The following RYR1 variants were observed in gnomAD, a reference collection of about 807,000 sequenced individuals.
The protein encoded by RYR1 is ryanodine receptor 1.
Under a neutral mutation model 583.5 loss-of-function variants are expected in RYR1, and 342 were observed. The observed-to-expected ratio is 0.59, with a 90% CI of 0.54 to 0.64. The LOEUF is 0.64. Ranked by LOEUF, RYR1 falls within the 30% of genes least tolerant of loss-of-function variation. The probability of loss-of-function intolerance (pLI) is 0.00; values close to 1 mark genes in which losing one functional copy is unlikely to be tolerated. For missense variants in RYR1, 6,032 were observed against 6,917.2 expected (o/e 0.87, Z 4.54); for synonymous variants, 2,791 against 2,822.5 (o/e 0.99, Z 0.35).
chr19:38,470,174 A>G (rs1968345934), intron 27 of RYR1, among the ~76,000 whole-genome samples: 1 of 152,088 alleles, frequency 6.6e-6, no homozygotes, highest in Non-Finnish European at 1.5e-5. Flanking sequence ...CTCAAAAAAA[A>G]AAAAAAGTTA....
chr19:38,437,895 A>G (rs558832540), intron 1 of RYR1, among the ~76,000 whole-genome samples: 3 of 151,332 alleles, frequency 2.0e-5, no homozygotes, highest in Non-Finnish European at 4.4e-5. Flanking sequence ...GGCTGAATGG[A>G]GAGGATCACT....
intron 89 of RYR1, among the ~76,000 whole-genome samples, chr19:38,551,207 T>A (rs1251448985): frequency 6.6e-6 from 1 of 151,604 alleles, no homozygotes; most frequent in African/African-American, 2.4e-5. Flanking sequence ...CCACCATGCC[T>A]GGCTAATTTT....
chr19:38,498,475 T>C (rs1414258030), intron 42 of RYR1, among the ~76,000 whole-genome samples: 1 of 152,120 alleles, frequency 6.6e-6, no homozygotes, highest in Non-Finnish European at 1.5e-5. Flanking sequence ...TTGGATCTCA[T>C]GTAAGAAAGA....
chr19:38,445,603 C>T (rs1972903298), intron 7 of RYR1, among the ~76,000 whole-genome samples: 1 of 152,110 alleles, frequency 6.6e-6, no homozygotes, highest in Admixed American at 6.6e-5. Context: ...AAGCTCAGAT[C>T]GTTCCTACGT....
chr19:38,467,688 G>A lies in RYR1; in HGVS notation c.3257G>A (p.Arg1086His), dbSNP rs764009626. The change falls in exon 25 of 106, where the codon CGC (arginine) becomes CAC (histidine). Residue 1086 changes from arginine to histidine, a missense_variant. Coordinates refer to ENST00000359596, the MANE Select transcript of RYR1 (RefSeq NM_000540.3). ...AAATCCTATACAGTGCAGAGCGGCC[G>A]CTGGTACTTCGAGTTTGAAGCAGTC... Reference protein sequence around the residue: ...AEKSYTVQSGRWYFEFEAVTT... With the variant: ...AEKSYTVQSGHWYFEFEAVTT... 47 of 1,614,250 alleles carry A rather than the reference G, an allele frequency of 2.9e-5. No homozygotes were observed. The highest frequency in any genetic ancestry group is 6.7e-5 in the Admixed American group (4 of 60,034).
chr19:38,455,602 G>A (rs760365792), intron 15 of RYR1, 31 bp from the exon 16 acceptor site: 5 of 1,605,708 alleles, frequency 3.1e-6, no homozygotes, highest in Admixed American at 1.7e-5. Flanking sequence ...GGGCATGGCC[G>A]CTTCACCTCT....
intron 93 of RYR1, 102 bp from the exon 94 acceptor site, chr19:38,570,505 T>C (rs544936663): frequency 5.1e-6 from 4 of 784,408 alleles, no homozygotes; most frequent in Admixed American, 1.8e-5. Flanking sequence ...AGGAAAGATA[T>C]TGAGAGCCCA....
Position 38,572,145 on chromosome 19 carries a change from G to T in RYR1, c.13873G>T (p.Asp4625Tyr). Residue 4625 changes from aspartate to tyrosine, a missense_variant, in exon 95 of 106, where the codon GAT becomes TAT. Transcript: ENST00000359596. ...GAGEEAEGDE[D>Y]ENMVYYFLEE... ...CGGAGAGGAGGCAGAGGGCGATGAG[G>T]ATGAGAACATGGTGTACTACTTCCT... The T allele has an allele frequency of 6.2e-7, 1 of 1,613,990 alleles. No homozygotes were observed. Among genetic ancestry groups the T allele is most frequent in the African/African-American group, 1.3e-5 (1 of 74,974 alleles).
rs192009715 is a variant in RYR1, at chr19:38,506,203, G to A, written c.8542-100G>A. 1.0e-3 allele frequency: 1,282 copies of A among 1,278,608 alleles called. 17 individuals carry two copies. The African/African-American group carries it at 0.013, about 13-fold the overall frequency. The allele number at this position is 1,278,608 out of a possible 1,614,324, so 79.2% of individuals were successfully genotyped here. ...ACAAGGGGTCTTGAGCCAGGGGAGG[G>A]TGGAGGGGGTAGAATGGACTAGTGG... On this transcript the variant is annotated intron_variant, in intron 54 of 105. Coordinates refer to ENST00000359596, the MANE Select transcript of RYR1 (RefSeq NM_000540.3).
chr19:38,505,924 G>T lies in RYR1; in HGVS notation c.8519G>T (p.Arg2840Leu). 1 of 1,613,632 alleles carries T rather than the reference G, an allele frequency of 6.2e-7. No individual in the cohort carries two copies. The highest frequency in any genetic ancestry group is 8.5e-7 in the Non-Finnish European group (1 of 1,179,992). ...EEEKTEKKKT[R>L]KISQSAQTYD... ...GAGAAGACGGAAAAGAAAAAAACGC[G>T]GAAGATATCACAAAGTGCCCAGGTG... The change falls in exon 54 of 106, where the codon CGG becomes CTG. Residue 2840 changes from arginine to leucine, a missense_variant. Arg to Leu is a moderately radical substitution (Grantham distance 102). Around this residue, in one of 11 missense-constraint regions of RYR1, gnomAD observed 1,493 missense variants for 1,715.5 expected, o/e 0.87. Coordinates refer to ENST00000359596, the MANE Select transcript of RYR1 (RefSeq NM_000540.3).
chr19:38,549,171 G>T (rs1390740908), intron 89 of RYR1, among the ~76,000 whole-genome samples: 4 of 152,126 alleles, frequency 2.6e-5, no homozygotes, highest in Non-Finnish European at 5.9e-5. Flanking sequence ...GGAGGGAAGT[G>T]CTGGAACATC....
chr19:38,502,875 C>A lies in RYR1; in HGVS notation c.7836-5C>A, dbSNP rs1301933255. On this transcript the variant is annotated splice_region_variant and splice_polypyrimidine_tract_variant and intron_variant, in intron 48 of 105. Coordinates refer to ENST00000359596, the MANE Select transcript of RYR1 (RefSeq NM_000540.3). ...GGATTCTACATCTTGTGCATTGTCC[C>A]GCAGGTACATCCGCCCGTCGATGCT... 1.9e-6 allele frequency: 3 copies of A among 1,609,848 alleles called. No homozygotes were observed. The highest frequency in any genetic ancestry group is 2.5e-6 in the Non-Finnish European group (3 of 1,179,828).
chr19:38,467,821 C>T lies in RYR1; in HGVS notation c.3381+9C>T. 1 of 1,613,380 alleles carries T rather than the reference C, an allele frequency of 6.2e-7. No homozygotes were observed. The highest frequency in any genetic ancestry group is 8.5e-7 in the Non-Finnish European group (1 of 1,179,836). On this transcript the variant is annotated intron_variant, in intron 25 of 105. Coordinates refer to ENST00000359596, the MANE Select transcript of RYR1 (RefSeq NM_000540.3). ...TCTTCAATGGGCACCGCGTGGGTAC[C>T]TCCCTGGGCACCATTCTGCCAGGTC...
chr19:38,555,475 G>A (rs34128862), intron 89 of RYR1, among the ~76,000 whole-genome samples: 5,199 of 150,324 alleles, frequency 0.035, 106 homozygotes, highest in Admixed American at 0.046. Context: ...ATGCATGTGT[G>A]TGTGCGCACG....
chr19:38,466,001 A>G (rs1289691085), intron 23 of RYR1, 90 bp from the exon 24 acceptor site: 3 of 1,268,168 alleles, frequency 2.4e-6, no homozygotes, highest in Non-Finnish European at 2.2e-6. Context: ...CGAAGCTGGG[A>G]CAAGGGTCAG....
chr19:38,517,727 T>A, intron 66 of RYR1, 36 bp downstream of exon 66: 3 of 1,588,010 alleles, frequency 1.9e-6, no homozygotes, highest in Non-Finnish European at 2.6e-6. Flanking sequence ...GAGGGGTGGG[T>A]CAGCAGCCTG....
Position 38,489,293 on chromosome 19 carries a change from TGAG to T in RYR1, c.5671_5673del (p.Glu1891del), listed in dbSNP as rs559371263. ...AGGAGGAAGAGGGTGAAGAGGAAGA[TGAG>T]GAGGAGAAGGAGGAGGATGAGGAGG... On this transcript the variant is annotated inframe_deletion, in exon 35 of 106. Coordinates refer to ENST00000359596, the MANE Select transcript of RYR1 (RefSeq NM_000540.3). 772 of 1,601,590 alleles carry T rather than the reference TGAG, an allele frequency of 4.8e-4. 5 individuals are homozygous for T. Among genetic ancestry groups the T allele is most frequent in the South Asian group, 3.7e-3 (332 of 90,732 alleles).
At chr19:38,536,439 C>T (rs907712582) in intron 82 of RYR1, among the ~76,000 whole-genome samples, 2 of 151,552 alleles carry the variant, frequency 1.3e-5, no homozygotes, top group Non-Finnish European at 2.9e-5. Context: ...CGTGTTGTGA[C>T]GTGTCTAACC....
In RYR1 at chr19:38,473,576, C is replaced by T. The variant is rs942531942; in HGVS notation, c.3965C>T (p.Ala1322Val). 3.1e-6 allele frequency: 5 copies of T among 1,595,464 alleles called. No individual in the cohort carries two copies. The highest frequency in any genetic ancestry group is 2.3e-5 in the East Asian group (1 of 44,050). Reference protein sequence around the residue: ...PGLQPPAEDEARAAEPDPDYE... With the variant: ...PGLQPPAEDEVRAAEPDPDYE... ...CTGCAGCCCCCCGCCGAGGACGAGG[C>T]CCGGGCGGCGGAACCCGACCCTGAC... Residue 1322 changes from alanine (A) to valine (V), a missense_variant, in exon 28 of 106, where the codon GCC becomes GTC. Ala to Val is a moderately conservative substitution (Grantham distance 64, BLOSUM62 0). This residue lies in a region of RYR1 where 2,627 missense variants were observed against 2,961.3 expected (regional missense o/e 0.89). Transcript: ENST00000359596.
Sources: gnomAD v4.1 joint callset for allele counts (sites outside exome capture counted in the v4.1 genomes callset) on GRCh38, gnomAD v4.1.1 for gene constraint, gnomAD v4.1.1 regional missense constraint, MANE v1.5 for transcripts, NCBI Gene and HGNC (gene_info 2026-07-23, HGNC 2026-07-21) for gene names.